JADE3: variants seen among roughly 807,000 people sequenced by gnomAD.
JADE3 encodes the protein jade family PHD finger 3, also known as protein Jade-3.
JADE3 carries 2 observed loss-of-function variants against 50.1 expected under a neutral mutation model. The ratio of observed to expected loss-of-function variants is 0.04; its 90% CI spans 0.02 to 0.13. JADE3 has a LOEUF of 0.13. Among genes scored for constraint, JADE3 ranks in the 10% least tolerant of loss-of-function variants. The pLI is 1.00. For missense variants in JADE3, 475 were observed against 634.4 expected (o/e 0.75, Z 2.70); for synonymous variants, 218 against 232.9 (o/e 0.94, Z 0.58).
chrX:46,975,714 C>CTTTTTTTTTTTTTT lies in JADE3; in HGVS notation c.-11-9160_-11-9147dup, dbSNP rs782578317. Among the ~76,000 whole-genome samples the CTTTTTTTTTTTTTT allele has an allele frequency of 8.1e-3, 329 of 40,408 alleles. 3 individuals are homozygous for CTTTTTTTTTTTTTT. The highest frequency in any genetic ancestry group is 0.012 in the African/African-American group (107 of 8,971). 35.1% of individuals were successfully genotyped at this position (40,408 alleles called of 115,157 possible). A position where few individuals can be genotyped will look rare whatever the true frequency, so the allele number is the denominator to read the frequency against. ...TTATTTTTCTTTCTTTTTTCTTTTTCTTTTTTTTTTTTTTTTTTTTTTTGG... is the reference window on the plus strand; with the variant it reads ...TTATTTTTCTTTCTTTTTTCTTTTTCTTTTTTTTTTTTTTTTTTTTTTTTTTTTTTTTTTTTTGG... On this transcript the variant is annotated intron_variant, in intron 1 of 10. Transcript: ENST00000614628.
At chrX:46,995,231 G>T (rs781970819) in intron 3 of JADE3, among the ~76,000 whole-genome samples, 5 of 110,212 alleles carry the variant, frequency 4.5e-5, no homozygotes, top group African/African-American at 1.3e-4. Context: ...TGGTTTCACC[G>T]TGTTAACCAG....
At chrX:47,001,557 C>G (rs1928288370) in intron 4 of JADE3, among the ~76,000 whole-genome samples, 1 of 111,397 alleles carries the variant, frequency 9.0e-6, no homozygotes, top group African/African-American at 3.3e-5. Flanking sequence ...TTTGGAGTAC[C>G]TAATTTCCTC....
intron 1 of JADE3, among the ~76,000 whole-genome samples, chrX:46,921,644 A>G (rs1011435836): frequency 9.0e-6 from 1 of 111,575 alleles, no homozygotes; most frequent in Non-Finnish European, 1.9e-5. Flanking sequence ...TTCTACCTTC[A>G]TTTATTCCTT....
intron 3 of JADE3, among the ~76,000 whole-genome samples, chrX:46,995,702 A>G (rs1401355671): frequency 2.7e-5 from 3 of 111,680 alleles, no homozygotes; most frequent in African/African-American, 9.8e-5. Context: ...GTTTTATATC[A>G]CTTTGCAGAT....
chrX:47,023,960 T>C (rs1199350476), intron 4 of JADE3, among the ~76,000 whole-genome samples: 1 of 112,496 alleles, frequency 8.9e-6, no homozygotes, highest in East Asian at 2.8e-4. Context: ...GATCACCATG[T>C]AAGTGAGTGA....
chrX:47,034,114 C>G (rs1315836367), intron 7 of JADE3, among the ~76,000 whole-genome samples: 2 of 110,816 alleles, frequency 1.8e-5, no homozygotes, highest in Non-Finnish European at 3.8e-5. Context: ...AGAGGAGAGA[C>G]ACAAAAGACC....
intron 1 of JADE3, among the ~76,000 whole-genome samples, chrX:46,938,114 T>C (rs1387386541): frequency 8.9e-6 from 1 of 112,413 alleles, no homozygotes; most frequent in Non-Finnish European, 1.9e-5. Context: ...TGTAGTTGGG[T>C]CATGTTTTAA....
rs782204671 is a variant in JADE3 at position 47,016,944 on chromosome X, A to G, written c.285-7780A>G. On this transcript the variant is annotated intron_variant, in intron 4 of 10. Coordinates refer to ENST00000614628, the MANE Select transcript of JADE3 (RefSeq NM_014735.5). ...TATAAGGTTATCAAAATGCTTTAGCATCTTATTTCCTAATGGACTTAGAGC... is the reference window on the plus strand; with the variant it reads ...TATAAGGTTATCAAAATGCTTTAGCGTCTTATTTCCTAATGGACTTAGAGC... Among the ~76,000 whole-genome samples the G allele has an allele frequency of 2.0e-3, 226 of 112,084 alleles. 1 individual carries two copies. Among genetic ancestry groups the G allele is most frequent in the African/African-American group, 7.0e-3 (217 of 30,899 alleles).
intron 9 of JADE3, 32 bp downstream of exon 9, chrX:47,054,660 C>G: frequency 2.1e-6 from 2 of 934,780 alleles, no homozygotes; most frequent in Non-Finnish European, 2.9e-6. Context: ...AGTATATAGG[C>G]CTCGGTCTGT....
intron 8 of JADE3, among the ~76,000 whole-genome samples, chrX:47,051,883 G>A (rs1433397366): frequency 4.6e-5 from 5 of 109,726 alleles, no homozygotes; most frequent in Admixed American, 9.7e-5. Context: ...ATCATTTGAG[G>A]TCAGGAGTTT....
At position 47,060,178 on chromosome X, in the gene JADE3, C is replaced by T. The variant is rs1358866067; in HGVS notation, c.*1101C>T. ...GCCATTTTTCAGAAGTTGCTTATACCCTGTTCCCAAACTATCAGCCTTGAT... is the reference window on the plus strand; with the variant it reads ...GCCATTTTTCAGAAGTTGCTTATACTCTGTTCCCAAACTATCAGCCTTGAT... On this transcript the variant is annotated 3_prime_UTR_variant, in exon 11 of 11. Coordinates refer to ENST00000614628, the MANE Select transcript of JADE3 (RefSeq NM_014735.5). The T allele has an allele frequency of 1.9e-5, 2 of 104,731 alleles. No individual in the cohort carries two copies. Among genetic ancestry groups the T allele is most frequent in the Non-Finnish European group, 3.9e-5 (2 of 51,293 alleles). 8.6% of individuals were successfully genotyped at this position (104,731 alleles called of 1,213,427 possible). A position where few individuals can be genotyped will look rare whatever the true frequency, so the allele number is the denominator to read the frequency against.
At chrX:46,927,363 A>G (rs1163282441) in intron 1 of JADE3, among the ~76,000 whole-genome samples, 3 of 112,020 alleles carry the variant, frequency 2.7e-5, no homozygotes, top group Non-Finnish European at 3.8e-5. Flanking sequence ...AGTAATCTAT[A>G]AGTGTGGCGT....
intron 4 of JADE3, 79 bp downstream of exon 4, chrX:46,998,356 G>A: frequency 1.1e-6 from 1 of 887,237 alleles, no homozygotes; most frequent in Non-Finnish European, 1.6e-6. Flanking sequence ...AACTTAGAGT[G>A]GCTAATTATG....
intron 3 of JADE3, among the ~76,000 whole-genome samples, chrX:46,992,777 G>T (rs1345252864): frequency 3.6e-5 from 4 of 111,830 alleles, no homozygotes; most frequent in East Asian, 5.6e-4. Flanking sequence ...TGCATTAAAA[G>T]ATACATATTT....
chrX:46,984,164 C>T (rs1927814843), intron 1 of JADE3, among the ~76,000 whole-genome samples: 1 of 112,086 alleles, frequency 8.9e-6, no homozygotes, highest in South Asian at 3.7e-4. Flanking sequence ...TTTTTTCTTA[C>T]ACTCCAGTGC....
intron 1 of JADE3, among the ~76,000 whole-genome samples, chrX:46,917,814 TCTCTCTCACTCTCTCTCATC>T (rs1926122370): frequency 4.7e-5 from 4 of 85,220 alleles, no homozygotes; most frequent in African/African-American, 1.3e-4. Context: ...TCTCTCTCTC[TCTCTCTCACTCTCTCTCATC>T]CTCTCTCTCT....
At chrX:46,912,826 G>A (rs1389214908) in intron 1 of JADE3, 107 bp downstream of exon 1, 1 of 112,103 alleles carries the variant, frequency 8.9e-6, no homozygotes, top group African/African-American at 3.2e-5. Flanking sequence ...GGCGCGGAGC[G>A]CACAGTCCCG....
At chrX:47,024,499 T>A (rs782733296) in intron 4 of JADE3, among the ~76,000 whole-genome samples, 29 of 111,752 alleles carry the variant, frequency 2.6e-4, no homozygotes, top group Middle Eastern at 4.6e-3. Context: ...TCTCTAAAAA[T>A]TTTTTTAAAA....
intron 1 of JADE3, among the ~76,000 whole-genome samples, chrX:46,972,887 C>A (rs1391665430): frequency 8.9e-6 from 1 of 112,548 alleles, no homozygotes; most frequent in Non-Finnish European, 1.9e-5. Flanking sequence ...GCGTGAGCCA[C>A]CGCGCCCGGC....
Sources: gnomAD v4.1 joint callset for allele counts (sites outside exome capture counted in the v4.1 genomes callset) on GRCh38, gnomAD v4.1.1 for gene constraint, MANE v1.5 for transcripts, NCBI Gene and HGNC (gene_info 2026-07-23, HGNC 2026-07-21) for gene names.